Variants in DPP6 observed in about 807,000 individuals in gnomAD.
DPP6 encodes dipeptidyl peptidase like 6.
In DPP6, 69 loss-of-function variants were observed where a neutral mutation model predicts 122.6. That is an observed-to-expected ratio of 0.56 (90% CI 0.46 to 0.69). The LOEUF is 0.69. Among genes scored for constraint, DPP6 ranks in the 30% least tolerant of loss-of-function variants. The probability of loss-of-function intolerance (pLI) is 0.00; values close to 1 mark genes in which losing one functional copy is unlikely to be tolerated. For missense variants in DPP6, 928 were observed against 1,116.9 expected (o/e 0.83, Z 2.41); for synonymous variants, 418 against 433.1 (o/e 0.97, Z 0.43).
chr7:154,427,859 G>C (rs1818041722), intron 1 of DPP6, among the ~76,000 whole-genome samples: 1 of 152,146 alleles, frequency 6.6e-6, no homozygotes, highest in Non-Finnish European at 1.5e-5. Flanking sequence ...ATTATTTTCA[G>C]GTTAATTCCT....
chr7:154,759,438 C>T (rs1407238801), intron 8 of DPP6, among the ~76,000 whole-genome samples: 1 of 152,234 alleles, frequency 6.6e-6, no homozygotes, highest in Non-Finnish European at 1.5e-5. Context: ...GTGCCTAAAG[C>T]ACAAGGGGCA....
intron 1 of DPP6, among the ~76,000 whole-genome samples, chr7:154,204,677 TA>T (rs1799343332): frequency 6.6e-6 from 1 of 151,990 alleles, no homozygotes; most frequent in Non-Finnish European, 1.5e-5. Context: ...CGTGGTTAAG[TA>T]GGGGGAAAGT....
chr7:154,521,758 C>T (rs572475506), intron 3 of DPP6, among the ~76,000 whole-genome samples: 4 of 152,108 alleles, frequency 2.6e-5, no homozygotes, highest in African/African-American at 9.6e-5. Context: ...ATCATTTTAC[C>T]GTAGTTTGAA....
chr7:154,681,209 G>A (rs761170162), intron 7 of DPP6, among the ~76,000 whole-genome samples: 7 of 152,114 alleles, frequency 4.6e-5, no homozygotes, highest in African/African-American at 1.2e-4. Context: ...CACGTTGGCC[G>A]GTGAAGATAA....
rs76081433 is a variant in DPP6 at position 154,662,796 on chromosome 7, A to T, written c.681-6564A>T. 1.9e-3 allele frequency among the ~76,000 whole-genome samples: 50 copies of T among 26,106 alleles called. 1 individual carries two copies. Among genetic ancestry groups the T allele is most frequent in the African/African-American group, 4.1e-3 (43 of 10,372 alleles). 17.1% of individuals were successfully genotyped at this position (26,106 alleles called of 152,430 possible). ...ATTGGCCATAGTGTTCATGTAGTCA[A>T]GATGAATCACCATGGTGTATTGGCG... On this transcript the variant is annotated intron_variant, in intron 6 of 25. Coordinates refer to ENST00000377770, the MANE Select transcript of DPP6 (RefSeq NM_130797.4).
chr7:153,875,879 T>C, the DPP6 span, among the ~76,000 whole-genome samples: 2 of 74,980 alleles, frequency 2.7e-5, no homozygotes, highest in Non-Finnish European at 5.5e-5. Context: ...AATTAGCAAA[T>C]AAAGACAGGC....
At chr7:153,756,846 T>C in the DPP6 span, among the ~76,000 whole-genome samples, 3 of 152,074 alleles carry the variant, frequency 2.0e-5, no homozygotes, top group Non-Finnish European at 4.4e-5. Context: ...ATTTTTAAAA[T>C]TTTAATTGTC....
At chr7:154,574,440 A>ATGTG (rs1243341066) in intron 5 of DPP6, among the ~76,000 whole-genome samples, 787 of 66,538 alleles carry the variant, frequency 0.012, 10 homozygotes, top group African/African-American at 0.039. Flanking sequence ...GTGTGTGTGT[A>ATGTG]TGTGTGTGGT....
At chr7:153,843,080 GCACACACACGAGTGCA>G in the DPP6 span, among the ~76,000 whole-genome samples, 1 of 148,720 alleles carries the variant, frequency 6.7e-6, no homozygotes, top group Non-Finnish European at 1.5e-5. Flanking sequence ...ACACACGTGC[GCACACACACGAGTGCA>G]TACACACACG....
intron 17 of DPP6, among the ~76,000 whole-genome samples, chr7:154,857,883 G>A (rs1187110832): frequency 1.3e-5 from 2 of 152,180 alleles, no homozygotes; most frequent in Non-Finnish European, 2.9e-5. Flanking sequence ...CCTCTTTCAC[G>A]ATTGAAAAGG....
the DPP6 span, among the ~76,000 whole-genome samples, chr7:153,814,036 A>C: frequency 6.6e-6 from 1 of 151,924 alleles, no homozygotes; most frequent in Non-Finnish European, 1.5e-5. Flanking sequence ...ATTAGATCCC[A>C]TTTGTCAATT....
rs1268823689 is a variant in DPP6, at chr7:154,604,492, G to A, written c.628-33329G>A. On this transcript the variant is annotated intron_variant, in intron 5 of 25. Coordinates refer to ENST00000377770, the MANE Select transcript of DPP6 (RefSeq NM_130797.4). ...GATATTGAATTGAGATACTAAGTTGGAGAGAATTGACTACTTTATGATGTT... is the reference window on the plus strand; with the variant it reads ...GATATTGAATTGAGATACTAAGTTGAAGAGAATTGACTACTTTATGATGTT... Among the ~76,000 whole-genome samples, 2 of 120,358 alleles carry A rather than the reference G, an allele frequency of 1.7e-5. 1 individual carries two copies. Among genetic ancestry groups the A allele is most frequent in the Non-Finnish European group, 3.7e-5 (2 of 53,352 alleles). The allele number at this position is 120,358 out of a possible 152,430, so 79.0% of individuals were successfully genotyped here. A position where few individuals can be genotyped will look rare whatever the true frequency, so the allele number is the denominator to read the frequency against.
At chr7:154,842,158 C>T (rs1418553995) in intron 16 of DPP6, among the ~76,000 whole-genome samples, 1 of 152,210 alleles carries the variant, frequency 6.6e-6, no homozygotes, top group African/African-American at 2.4e-5. Context: ...CCAATTATCT[C>T]GCTCGGCCAG....
intron 1 of DPP6, among the ~76,000 whole-genome samples, chr7:154,103,330 T>G (rs1260967884): frequency 6.6e-6 from 1 of 152,218 alleles, no homozygotes; most frequent in East Asian, 1.9e-4. Flanking sequence ...TGGGTTTTCC[T>G]TGTGGGAGAA....
intron 1 of DPP6, among the ~76,000 whole-genome samples, chr7:154,375,226 G>C (rs1256951579): frequency 6.6e-6 from 1 of 151,988 alleles, no homozygotes; most frequent in Non-Finnish European, 1.5e-5. Flanking sequence ...AGAGTGCCAG[G>C]GGAAATATTC....
intron 5 of DPP6, among the ~76,000 whole-genome samples, chr7:154,569,538 C>T (rs1830979101): frequency 6.6e-6 from 1 of 151,842 alleles, no homozygotes; most frequent in Admixed American, 6.6e-5. Flanking sequence ...TCATGCTCAA[C>T]ATATTCTTAT....
the DPP6 span, among the ~76,000 whole-genome samples, chr7:153,804,345 C>G: frequency 1.3e-5 from 2 of 152,092 alleles, no homozygotes; most frequent in Non-Finnish European, 2.9e-5. Context: ...AGCCACAGTG[C>G]CCCACCCACT....
At chr7:153,867,885 C>G in the DPP6 span, among the ~76,000 whole-genome samples, 19 of 152,222 alleles carry the variant, frequency 1.2e-4, no homozygotes, top group African/African-American at 4.6e-4. Flanking sequence ...TATCAAAGGC[C>G]TTTTATGCAT....
At chr7:153,916,565 C>T (rs980377278) in intron 1 of DPP6, among the ~76,000 whole-genome samples, 14 of 151,716 alleles carry the variant, frequency 9.2e-5, no homozygotes, top group African/African-American at 3.4e-4. Context: ...CCCACCATCA[C>T]GCCCAGCTAA....
Sources: allele counts gnomAD v4.1 joint callset (sites outside exome capture counted in the v4.1 genomes callset), GRCh38; gene constraint gnomAD v4.1.1; transcripts MANE v1.5; gene names NCBI Gene and HGNC (gene_info 2026-07-23, HGNC 2026-07-21).